SH2B2: variants seen among roughly 807,000 people sequenced by gnomAD.
The protein encoded by SH2B2 is SH2B adaptor protein 2.
Under a neutral mutation model 35.7 loss-of-function variants are expected in SH2B2, and 37 were observed. That is an observed-to-expected ratio of 1.04 (90% CI 0.80 to 1.36). The LOEUF (loss-of-function observed/expected upper bound fraction) is 1.36. Among genes scored for constraint, SH2B2 ranks in the 40% most tolerant of loss-of-function variants. SH2B2 has a pLI of 0.00. For synonymous variants in SH2B2, 383 were observed against 376.4 expected (o/e 1.02, Z -0.20); for missense variants, 852 against 817.7 (o/e 1.04, Z -0.51).
chr7:102,295,993 G>A (rs181800740), intron 1 of SH2B2, among the ~76,000 whole-genome samples: 783 of 152,128 alleles, frequency 5.1e-3, no homozygotes, highest in Middle Eastern at 0.01. Flanking sequence ...GAAGCCCAAC[G>A]CAATAACCAC....
At chr7:102,311,000 C>T (rs1295087572) in intron 4 of SH2B2, among the ~76,000 whole-genome samples, 1 of 152,204 alleles carries the variant, frequency 6.6e-6, no homozygotes, top group East Asian at 1.9e-4. Flanking sequence ...GAGCCTTCCC[C>T]TGGGCTTTCT....
At chr7:102,313,216 G>A (rs1586598045) in intron 4 of SH2B2, among the ~76,000 whole-genome samples, 1 of 151,146 alleles carries the variant, frequency 6.6e-6, no homozygotes, top group Non-Finnish European at 1.5e-5. Flanking sequence ...GGAGGCCAAG[G>A]CGGGCAGATC....
chr7:102,319,008 T>C (rs531507660), intron 7 of SH2B2, among the ~76,000 whole-genome samples: 2 of 152,202 alleles, frequency 1.3e-5, no homozygotes, highest in African/African-American at 4.8e-5. Flanking sequence ...AACCTGCCTC[T>C]CACCTCTCTA....
At chr7:102,288,576 C>T (rs1361429831) in intron 1 of SH2B2, among the ~76,000 whole-genome samples, 1 of 152,092 alleles carries the variant, frequency 6.6e-6, no homozygotes, top group Admixed American at 6.5e-5. Flanking sequence ...CCCTACTTAG[C>T]GTGAATCTCC....
At chr7:102,290,082 C>T (rs1015793693) in intron 1 of SH2B2, among the ~76,000 whole-genome samples, 12 of 139,512 alleles carry the variant, frequency 8.6e-5, no homozygotes, top group Admixed American at 7.8e-4. Context: ...TGGATTCCCC[C>T]GCCCCCCCAC....
At chr7:102,318,821 G>A (rs577627396) in intron 7 of SH2B2, among the ~76,000 whole-genome samples, 5 of 152,290 alleles carry the variant, frequency 3.3e-5, no homozygotes, top group East Asian at 1.9e-4. Context: ...CAGTTCCTCC[G>A]ACAACCAGGT....
intron 7 of SH2B2, 40 bp downstream of exon 7, chr7:102,317,435 C>A: frequency 6.7e-7 from 1 of 1,497,954 alleles, no homozygotes; most frequent in Non-Finnish European, 9.0e-7. Context: ...CAGTGGCCAG[C>A]CCTGAGGGAG....
At chr7:102,315,744 G>A (rs142651971) in intron 6 of SH2B2, among the ~76,000 whole-genome samples, 1,230 of 90,312 alleles carry the variant, frequency 0.014, no homozygotes, top group East Asian at 0.022. Flanking sequence ...CCTGTGAAAA[G>A]AAAAAAAAAA....
intron 4 of SH2B2, 151 bp downstream of exon 4, chr7:102,309,057 C>T (rs1455824179): frequency 2.7e-6 from 2 of 746,104 alleles, no homozygotes; most frequent in Non-Finnish European, 4.8e-6. Context: ...CAGGATCACC[C>T]TCCTTTAAAA....
In SH2B2 at chr7:102,297,220, C is replaced by T. The variant is rs140383410; in HGVS notation, c.-29-3302C>T. ...GTCTGGCATATCCGCACTCTGGATA[C>T]GACCCGCTCGCCACTTAGGAGTTGT... On this transcript the variant is annotated intron_variant, in intron 1 of 8. Transcript: ENST00000444095. The surrounding 1 kb of genome is among the most constrained non-coding windows in gnomAD (Gnocchi z 4.3). 4.5e-3 allele frequency among the ~76,000 whole-genome samples: 691 copies of T among 152,150 alleles called. 3 individuals are homozygous for T. The highest frequency in any genetic ancestry group is 0.016 in the African/African-American group (659 of 41,506).
In SH2B2 at chr7:102,321,608, A is replaced by G; in HGVS notation, c.1877A>G (p.Glu626Gly). 4 of 1,158,974 alleles carry G rather than the reference A, an allele frequency of 3.5e-6. No homozygotes were observed. Among genetic ancestry groups the G allele is most frequent in the Non-Finnish European group, 2.1e-6 (2 of 941,730 alleles). The allele number at this position is 1,158,974 out of a possible 1,614,324, so 71.8% of individuals were successfully genotyped here. Residue 626 changes from glutamate (E) to glycine (G), a missense_variant, in exon 9 of 9, where the codon GAG becomes GGG. Physicochemically the swap from Glu to Gly is moderately conservative, Grantham distance 98. Transcript: ENST00000444095. The stretch of plus-strand genomic sequence containing the variant: ...GCGCCCGGCCGCGCGCGCGCCGTGG[A>G]GAACCAGTACTCCTTCTACTAGCCC... ...EAAPGRARAV[E>G]NQYSFY
At chr7:102,317,046 C>T in intron 6 of SH2B2, 141 bp from the exon 7 acceptor site, 1 of 740,000 alleles carries the variant, frequency 1.4e-6, no homozygotes, top group South Asian at 2.4e-5. Flanking sequence ...AAACTAAAAA[C>T]CAACCAACTT....
chr7:102,296,490 A>G (rs1242702976), intron 1 of SH2B2, among the ~76,000 whole-genome samples: 2 of 152,122 alleles, frequency 1.3e-5, no homozygotes, highest in African/African-American at 4.8e-5. Flanking sequence ...CTTTATCACT[A>G]TTGGTAATTT....
Position 102,300,514 on chromosome 7 carries a change from G to T in SH2B2, c.-29-8G>T, listed in dbSNP as rs1793102836. The stretch of plus-strand genomic sequence containing the variant: ...CTGAAAGTCACTGCGCGCTCTTCTC[G>T]CCCGAAGCCGCAGGTGGCTGCGATG... On this transcript the variant is annotated splice_polypyrimidine_tract_variant and splice_region_variant and intron_variant, in intron 1 of 8. Transcript: ENST00000444095. The T allele has an allele frequency of 2.0e-6, 3 of 1,525,064 alleles. No homozygotes were observed. Among genetic ancestry groups the T allele is most frequent in the South Asian group, 1.2e-5 (1 of 81,966 alleles). The allele number at this position is 1,525,064 out of a possible 1,614,324, so 94.5% of individuals were successfully genotyped here.
intron 6 of SH2B2, among the ~76,000 whole-genome samples, chr7:102,316,738 G>T (rs1387838287): frequency 3.9e-5 from 6 of 152,106 alleles, no homozygotes. Flanking sequence ...AAAAAATAAG[G>T]CTGGGCGCAA....
At position 102,317,377 on chromosome 7, in the gene SH2B2, C is replaced by A. The variant is rs1793888726; in HGVS notation, c.1377C>A (p.Asn459Lys). 6.3e-7 allele frequency: 1 copy of A among 1,584,886 alleles called. No homozygotes were observed. The highest frequency in any genetic ancestry group is 1.3e-5 in the African/African-American group (1 of 74,468). Residue 459 changes from asparagine to lysine, a missense_variant, in exon 7 of 9, where the codon AAC (asparagine) becomes AAA (lysine). Asn to Lys is a moderately conservative substitution (Grantham distance 94, BLOSUM62 0). Coordinates refer to ENST00000444095, the MANE Select transcript of SH2B2 (RefSeq NM_001359228.2). ...TRPGEYVLTF[N>K]FQGKAKHLRL... ...CTGGGGAGTACGTGCTGACCTTCAA[C>A]TTCCAGGGCAAGGCCAAGGCAAGTG...
intron 4 of SH2B2, among the ~76,000 whole-genome samples, chr7:102,311,629 G>A (rs1252656348): frequency 1.3e-5 from 2 of 150,116 alleles, no homozygotes; most frequent in Admixed American, 1.3e-4. Flanking sequence ...TTGAATTCCT[G>A]GGTTCAAGAG....
chr7:102,320,616 G>A (rs1554558242), intron 8 of SH2B2, 114 bp downstream of exon 8: 2 of 1,365,122 alleles, frequency 1.5e-6, no homozygotes, highest in East Asian at 2.5e-5. Context: ...CATAGCCTCA[G>A]CCGTGTCCCT....
chr7:102,304,013 C>T (rs1793298736), intron 2 of SH2B2, among the ~76,000 whole-genome samples: 1 of 152,124 alleles, frequency 6.6e-6, no homozygotes, highest in Non-Finnish European at 1.5e-5. Flanking sequence ...GGAGTCATTC[C>T]CATGGGAGGG....
Sources: gnomAD v4.1 joint callset for allele counts (sites outside exome capture counted in the v4.1 genomes callset) on GRCh38, gnomAD v4.1.1 for gene constraint, Gnocchi (gnomAD v3.1) non-coding constraint, MANE v1.5 for transcripts, NCBI Gene and HGNC (gene_info 2026-07-23, HGNC 2026-07-21) for gene names.